The following PLCH2 variants were observed in gnomAD, a reference collection of about 807,000 sequenced individuals.
PLCH2 encodes 1-phosphatidylinositol 4,5-bisphosphate phosphodiesterase eta-2.
Under a neutral mutation model 134.7 loss-of-function variants are expected in PLCH2, and 98 were observed. The ratio of observed to expected loss-of-function variants is 0.73; its 90% confidence interval spans 0.62 to 0.86. The LOEUF (loss-of-function observed/expected upper bound fraction) is 0.86. Among genes scored for constraint, PLCH2 ranks in the 40% least tolerant of loss-of-function variants. The pLI, the probability that PLCH2 is intolerant of heterozygous loss-of-function variation, is 0.00. For missense variants in PLCH2, 1,994 were observed against 1,986.6 expected (o/e 1.00, Z -0.07); for synonymous variants, 974 against 827.5 (o/e 1.18, Z -3.04).
At position 2,499,533 on chromosome 1, in the gene PLCH2, G is replaced by T. The variant is rs1643094720; in HGVS notation, c.2582-108G>T. ...AGGCAGAGGCCCCAGGCCTGGGCTT[G>T]TTGGGTGTATCTGGGGTCTTGGGAC... is the stretch of plus-strand genomic sequence containing the variant. On this transcript the variant is annotated intron_variant, in intron 19 of 21. Transcript: ENST00000378486. 3 of 864,114 alleles carry T rather than the reference G, an allele frequency of 3.5e-6. No homozygotes were observed. The East Asian group carries it at 8.0e-5, about 23-fold the overall frequency. 53.5% of individuals were successfully genotyped at this position (864,114 alleles called of 1,614,324 possible). A position where few individuals can be genotyped will look rare whatever the true frequency, so the allele number is the denominator to read the frequency against.
intron 1 of PLCH2, among the ~76,000 whole-genome samples, chr1:2,426,536 C>G (rs893463178): frequency 2.0e-5 from 3 of 152,220 alleles, no homozygotes; most frequent in Non-Finnish European, 4.4e-5. Flanking sequence ...CCTACACACA[C>G]GAGCTCGGCC....
chr1:2,471,633 G>C (rs1427793792), upstream of PLCH2, among the ~76,000 whole-genome samples: 2 of 152,216 alleles, frequency 1.3e-5, no homozygotes, highest in Non-Finnish European at 2.9e-5. Flanking sequence ...GGGAGCATGA[G>C]CCTGGCTGCT....
At chr1:2,437,949 G>A (rs978845629) in intron 2 of PLCH2, among the ~76,000 whole-genome samples, 7 of 152,186 alleles carry the variant, frequency 4.6e-5, no homozygotes, top group Non-Finnish European at 7.3e-5. Context: ...GGCCTTCCAC[G>A]ATCTGGCCCT....
At chr1:2,474,443 C>T (rs922306455), upstream of PLCH2, among the ~76,000 whole-genome samples, 7 of 152,204 alleles carry the variant, frequency 4.6e-5, no homozygotes, top group African/African-American at 1.7e-4. Context: ...GATTCCAGCT[C>T]TGCTGCTGAG....
chr1:2,455,677 A>C (rs914054240), intron 2 of PLCH2, among the ~76,000 whole-genome samples: 2 of 152,208 alleles, frequency 1.3e-5, no homozygotes, highest in Admixed American at 1.3e-4. Flanking sequence ...GCTTCAGAGG[A>C]GCGGCCCCAG....
At chr1:2,458,630 G>A (rs1640616909) in intron 2 of PLCH2, among the ~76,000 whole-genome samples, 1 of 152,192 alleles carries the variant, frequency 6.6e-6, no homozygotes, top group South Asian at 2.1e-4. Context: ...TGTGCCCCTG[G>A]AGCAGCCAGT....
intron 4 of PLCH2, among the ~76,000 whole-genome samples, chr1:2,481,796 C>T (rs1477018741): frequency 6.6e-6 from 1 of 152,222 alleles, no homozygotes; most frequent in Non-Finnish European, 1.5e-5. Flanking sequence ...AGTTTCAGAG[C>T]GCTGGGCCTC....
At chr1:2,416,030 C>T in the PLCH2 span, among the ~76,000 whole-genome samples, 1 of 152,366 alleles carries the variant, frequency 6.6e-6, no homozygotes, top group Admixed American at 6.5e-5. Context: ...TCCCCATCCC[C>T]CCACCAACAC....
chr1:2,496,467 AGTCTGGC>A (rs1309884155), intron 13 of PLCH2, 133 bp from the exon 14 acceptor site: 3 of 723,364 alleles, frequency 4.1e-6, no homozygotes, highest in Non-Finnish European at 4.8e-6. Context: ...CCCGCGGCCC[AGTCTGGC>A]GTCCGTCTCT....
intron 2 of PLCH2, among the ~76,000 whole-genome samples, chr1:2,442,946 G>A (rs978805208): frequency 2.6e-5 from 4 of 152,192 alleles, no homozygotes; most frequent in African/African-American, 7.2e-5. Flanking sequence ...GGGAACCGAC[G>A]AAGTGCCTGG....
chr1:2,496,270 TAGCGATTCTAGGCCAG>T (rs1205511450), intron 13 of PLCH2, among the ~76,000 whole-genome samples: 1 of 152,044 alleles, frequency 6.6e-6, no homozygotes, highest in African/African-American at 2.4e-5. Flanking sequence ...CCTCTCCACA[TAGCGATTCTAGGCCAG>T]ACCCAGGCCC....
At chr1:2,438,671 T>G (rs571704082) in intron 2 of PLCH2, among the ~76,000 whole-genome samples, 15 of 152,262 alleles carry the variant, frequency 9.9e-5, no homozygotes, top group Non-Finnish European at 1.8e-4. Context: ...GAAGGTCCCT[T>G]CTTGCCCCCG....
At chr1:2,424,324 A>G (rs1164170433), upstream of PLCH2, among the ~76,000 whole-genome samples, 1 of 152,074 alleles carries the variant, frequency 6.6e-6, no homozygotes, top group East Asian at 1.9e-4. Context: ...ACCACAAAAC[A>G]TACCCTTCCT....
Position 2,480,279 on chromosome 1 carries a change from C to A in PLCH2, c.612C>A (p.Asn204Lys). 1 of 1,612,674 alleles carries A rather than the reference C, an allele frequency of 6.2e-7. No individual in the cohort carries two copies. The highest frequency in any genetic ancestry group is 8.5e-7 in the Non-Finnish European group (1 of 1,179,794). Residue 204 changes from asparagine (N) to lysine (K), a missense_variant, in exon 4 of 22, where the codon AAC becomes AAA. By Grantham distance (94) the Asn-to-Lys change is moderately conservative. Transcript: ENST00000378486. ...VLQLLHKLNV[N>K]LPRQRVKQMF... The stretch of plus-strand genomic sequence containing the variant: ...AGCTGCTGCACAAGCTCAACGTGAA[C>A]CTGCCCCGGCAGAGGGTGAAGCAGA...
At chr1:2,416,814 AT>A in the PLCH2 span, among the ~76,000 whole-genome samples, 4 of 151,966 alleles carry the variant, frequency 2.6e-5, no homozygotes, top group East Asian at 1.9e-4. Flanking sequence ...ATGTTGGGTG[AT>A]TTTGGGGCTC....
At chr1:2,432,305 T>C (rs907113542) in intron 2 of PLCH2, among the ~76,000 whole-genome samples, 4 of 151,292 alleles carry the variant, frequency 2.6e-5, no homozygotes, top group African/African-American at 9.7e-5. Flanking sequence ...AGCTTGGGGG[T>C]GAATAACTGA....
At chr1:2,435,091 A>G (rs537062154) in intron 2 of PLCH2, among the ~76,000 whole-genome samples, 1 of 152,230 alleles carries the variant, frequency 6.6e-6, no homozygotes, top group East Asian at 1.9e-4. Context: ...AGGTGCACTG[A>G]CCTGGATGGT....
chr1:2,450,731 A>G (rs866904615), intron 2 of PLCH2, among the ~76,000 whole-genome samples: 330 of 28,034 alleles, frequency 0.012, 9 homozygotes, highest in African/African-American at 0.044. Flanking sequence ...CTCCCCGCCT[A>G]CCCCCCGCTC....
At chr1:2,446,140 T>C (rs1185700081) in intron 2 of PLCH2, among the ~76,000 whole-genome samples, 1 of 152,222 alleles carries the variant, frequency 6.6e-6, no homozygotes, top group East Asian at 1.9e-4. Context: ...GCCAGGGTGC[T>C]GCCCCTGGCT....
Sources: gnomAD v4.1 joint callset for allele counts (sites outside exome capture counted in the v4.1 genomes callset) on GRCh38, gnomAD v4.1.1 for gene constraint, MANE v1.5 for transcripts, NCBI Gene and HGNC (gene_info 2026-07-23, HGNC 2026-07-21) for gene names.